Variants in HMGCS2 observed in about 807,000 individuals in gnomAD.
HMGCS2 encodes the protein hydroxymethylglutaryl-CoA synthase, mitochondrial.
A neutral mutation model predicts 57.4 loss-of-function variants in HMGCS2; 50 were observed. The ratio of observed to expected loss-of-function variants is 0.87; its 90% CI spans 0.69 to 1.10. HMGCS2 has a LOEUF of 1.10. Ranked by LOEUF, HMGCS2 falls within the 50% of genes least tolerant of loss-of-function variation. HMGCS2 has a pLI of 0.00. For synonymous variants in HMGCS2, 254 were observed against 245.1 expected, an observed-to-expected ratio of 1.04 and a Z score of -0.34; for missense variants, 627 against 636.5, an observed-to-expected ratio of 0.99 and a Z score of 0.16.
intron 9 of HMGCS2, 58 bp from the exon 10 acceptor site, chr1:119,748,899 G>C (rs1652546114): frequency 6.6e-6 from 1 of 152,310 alleles, no homozygotes; most frequent in South Asian, 2.1e-4. Flanking sequence ...CCTGCCCCCA[G>C]TACCTGCTTC....
Position 119,759,933 on chromosome 1 carries a change from G to C in HMGCS2, c.616C>G (p.Arg206Gly), listed in dbSNP as rs748337518. 6.2e-7 allele frequency: 1 copy of C among 1,613,996 alleles called. No homozygotes were observed. The highest frequency in any genetic ancestry group is 1.7e-5 in the Admixed American group (1 of 60,018). Residue 206 changes from arginine (R) to glycine (G), a missense_variant, in exon 3 of 10, where the codon CGT becomes GGT. Physicochemically the swap from Arg to Gly is moderately radical, Grantham distance 125. Transcript: ENST00000369406. ...DIAVYPSGNA[R>G]PTGGAGAVAM... ...ACAGCTCCGGCCCCACCTGTGGGAC[G>C]AGCATTACCACTGGGATAGACGGCA...
intron 2 of HMGCS2, among the ~76,000 whole-genome samples, chr1:119,760,292 C>G (rs765713839): frequency 9.9e-5 from 15 of 152,196 alleles, no homozygotes; most frequent in Non-Finnish European, 1.9e-4. Flanking sequence ...GTACCCATCT[C>G]CTTATAGCAC....
At chr1:119,767,588 C>T (rs371689835) in intron 1 of HMGCS2, among the ~76,000 whole-genome samples, 1 of 152,052 alleles carries the variant, frequency 6.6e-6, no homozygotes, top group African/African-American at 2.4e-5. Flanking sequence ...GGATTAAAGG[C>T]GATTAGACAT....
chr1:119,763,194 T>G (rs888848101), intron 2 of HMGCS2, among the ~76,000 whole-genome samples: 1 of 152,232 alleles, frequency 6.6e-6, no homozygotes, highest in Non-Finnish European at 1.5e-5. Flanking sequence ...AGAGATAAAC[T>G]GTTACACTCC....
chr1:119,754,040 A>G (rs1195852330), intron 6 of HMGCS2, among the ~76,000 whole-genome samples: 1 of 147,182 alleles, frequency 6.8e-6, no homozygotes, highest in African/African-American at 2.5e-5. Context: ...TACAGGTGCA[A>G]GCTGCCACAC....
Position 119,750,771 on chromosome 1 carries a change from C to G in HMGCS2, c.*5+26G>C, listed in dbSNP as rs41310104. On this transcript the variant is annotated intron_variant, in intron 9 of 9. Transcript: ENST00000369406. ...AGAGGAAGACATTAGGGTTTTATGC[C>G]ACCAACTCTGCAAACTCTCACTCAC... is the stretch of plus-strand genomic sequence containing the variant. 0.016 allele frequency: 23,321 copies of G among 1,467,736 alleles called. 247 individuals carry two copies. The highest frequency in any genetic ancestry group is 0.026 in the African/African-American group (1,853 of 71,984). The allele number at this position is 1,467,736 out of a possible 1,614,324, so 90.9% of individuals were successfully genotyped here.
At chr1:119,767,068 TTAC>T (rs1212493613) in intron 1 of HMGCS2, among the ~76,000 whole-genome samples, 4 of 152,186 alleles carry the variant, frequency 2.6e-5, no homozygotes, top group African/African-American at 4.8e-5. Context: ...TCAAAATTAA[TTAC>T]TACACTTCAG....
At chr1:119,757,182 G>A in intron 5 of HMGCS2, 91 bp downstream of exon 5, 1 of 1,602,724 alleles carries the variant, frequency 6.2e-7, no homozygotes, top group Non-Finnish European at 8.5e-7. Context: ...GTCCCCCACA[G>A]GGGTGCTGGT....
At chr1:119,757,598 A>G (rs587709347) in intron 4 of HMGCS2, among the ~76,000 whole-genome samples, 160 bp from the exon 5 acceptor site, 2 of 152,302 alleles carry the variant, frequency 1.3e-5, no homozygotes, top group Admixed American at 6.5e-5. Context: ...TTTTACATGC[A>G]CTTACTAAGC....
chr1:119,768,400 T>C (rs931089076), intron 1 of HMGCS2, among the ~76,000 whole-genome samples: 2 of 152,200 alleles, frequency 1.3e-5, no homozygotes, highest in Non-Finnish European at 2.9e-5. Context: ...CCTGTGGTTC[T>C]AGGCAGAGGC....
Position 119,753,304 on chromosome 1 carries a change from G to A in HMGCS2, c.1270C>T (p.Arg424Ter), listed in dbSNP as rs137852637. The part of the protein sequence containing the change: ...SGLAASFFSF[R>*]VSQDAAPGSP... ...CCTGGAGCAGCATCCTGGGATACTC[G>A]AAATGAAAAGAAACTTGCTGCTAAA... Residue 424 changes from arginine (R) to a stop codon, truncating the protein, a stop_gained, in exon 7 of 10, where the codon CGA becomes TGA. Transcript: ENST00000369406. LOFTEE classifies it high-confidence loss of function. 85 of 1,612,718 alleles carry A rather than the reference G, an allele frequency of 5.3e-5. No individual in the cohort carries two copies. The highest frequency in any genetic ancestry group is 6.7e-5 in the Non-Finnish European group (79 of 1,179,164).
At chr1:119,751,999 ATTTTGTT>A (rs3035243) in intron 8 of HMGCS2, among the ~76,000 whole-genome samples, 67,238 of 151,262 alleles carry the variant, frequency 0.44, 15,153 homozygotes, top group South Asian at 0.56. Context: ...TTGGAGCAAT[ATTTTGTT>A]TTTTGTTTTT....
rs1035647830 is a variant in HMGCS2, at chr1:119,764,629, G to A, written c.105-3C>T. ...GGACAGCAGAGGCTGTAGAAAACCT[G>A]TGATGGAGATAACAGTCAAACTCCC... is the stretch of plus-strand genomic sequence containing the variant. On this transcript the variant is annotated splice_region_variant and splice_polypyrimidine_tract_variant and intron_variant, in intron 1 of 9. Transcript: ENST00000369406. 45 of 1,609,890 alleles carry A rather than the reference G, an allele frequency of 2.8e-5. No homozygotes were observed. Among genetic ancestry groups the A allele is most frequent in the Middle Eastern group, 1.6e-4 (1 of 6,066 alleles).
At chr1:119,762,907 C>T (rs1203990210) in intron 2 of HMGCS2, among the ~76,000 whole-genome samples, 1 of 152,100 alleles carries the variant, frequency 6.6e-6, no homozygotes, top group Admixed American at 6.6e-5. Flanking sequence ...AGAATAGGCT[C>T]TTTGATTTTT....
At chr1:119,756,032 C>T (rs978318612) in intron 5 of HMGCS2, among the ~76,000 whole-genome samples, 7 of 152,130 alleles carry the variant, frequency 4.6e-5, no homozygotes, top group African/African-American at 7.2e-5. Flanking sequence ...AACACTACAG[C>T]GAATAGGTAG....
rs780781898 is a variant in HMGCS2, at chr1:119,752,652, C to T, written c.1317G>A (p.Val439=). 2.5e-5 allele frequency: 40 copies of T among 1,613,992 alleles called. No homozygotes were observed. The South Asian group carries it at 4.0e-4, about 16-fold the overall frequency. Residue 439 remains valine (V), a synonymous_variant, in exon 8 of 10, where the codon GTG becomes GTA. Transcript: ENST00000369406. ...GTTTTGGCAGGTCTGATGTGCTGGA[C>T]ACCAACTTGTCCAGGGGAGAGCCTG... The part of the protein sequence containing the change: ...AAPGSPLDKL[V]SSTSDLPKRL...
intron 6 of HMGCS2, among the ~76,000 whole-genome samples, chr1:119,754,774 C>T (rs1421101630): frequency 2.0e-5 from 3 of 152,134 alleles, no homozygotes; most frequent in Non-Finnish European, 4.4e-5. Context: ...AAGTCAGACC[C>T]ATTTAACCAC....
rs28439078 is a variant in HMGCS2, at chr1:119,761,280, G to A, written c.560-1291C>T. Among the ~76,000 whole-genome samples, 28 of 150,000 alleles carry A rather than the reference G, an allele frequency of 1.9e-4. 1 individual carries two copies. The highest frequency in any genetic ancestry group is 5.6e-4 in the African/African-American group (23 of 41,102). ...TCTACCTGTATATAAGCACACACACGCACACATTTTGAAAACTTTAGAAAC... is the reference window on the plus strand; with the variant it reads ...TCTACCTGTATATAAGCACACACACACACACATTTTGAAAACTTTAGAAAC... On this transcript the variant is annotated intron_variant, in intron 2 of 9. Transcript: ENST00000369406.
At chr1:119,753,222 A>G in intron 7 of HMGCS2, 58 bp downstream of exon 7, 1 of 1,016,720 alleles carries the variant, frequency 9.8e-7, no homozygotes, top group Non-Finnish European at 1.6e-6. Context: ...GGGGAAGAAG[A>G]TGGTTATTCT....
Sources: gnomAD v4.1 joint callset for allele counts (sites outside exome capture counted in the v4.1 genomes callset) on GRCh38, gnomAD v4.1.1 for gene constraint, MANE v1.5 for transcripts, NCBI Gene and HGNC (gene_info 2026-07-23, HGNC 2026-07-21) for gene names.